The following CTNND2 variants were observed in gnomAD, a reference collection of about 807,000 sequenced individuals.
CTNND2 encodes catenin delta 2.
Under a neutral mutation model 144.4 loss-of-function variants are expected in CTNND2, and 22 were observed. The observed-to-expected ratio is 0.15, with a 90% CI of 0.11 to 0.22. CTNND2 has a LOEUF of 0.22. Among genes scored for constraint, CTNND2 ranks in the 10% least tolerant of loss-of-function variants. The probability of loss-of-function intolerance (pLI) is 1.00; values close to 1 mark genes in which losing one functional copy is unlikely to be tolerated. For missense variants in CTNND2, 1,353 were observed against 1,618.8 expected (o/e 0.84, Z 2.82); for synonymous variants, 751 against 695.6 (o/e 1.08, Z -1.25).
chr5:11,847,118 G>A (rs915855895), intron 1 of CTNND2, among the ~76,000 whole-genome samples: 10 of 119,134 alleles, frequency 8.4e-5, no homozygotes. Context: ...AAATCAGTAT[G>A]TCAAAGATTT....
intron 12 of CTNND2, among the ~76,000 whole-genome samples, chr5:11,123,487 C>T (rs1754350751): frequency 6.6e-6 from 1 of 152,196 alleles, no homozygotes; most frequent in African/African-American, 2.4e-5. Flanking sequence ...ATGCTCAGGA[C>T]TGCCCCCACC....
intron 9 of CTNND2, among the ~76,000 whole-genome samples, chr5:11,250,179 G>C (rs985778863): frequency 1.3e-5 from 2 of 152,126 alleles, no homozygotes; most frequent in Non-Finnish European, 2.9e-5. Context: ...AGTGGACCAT[G>C]GGTGAAAAGG....
chr5:11,460,207 C>T lies in CTNND2; in HGVS notation c.288-48138G>A, dbSNP rs74746409. Reference sequence around the variant, plus strand: ...GTGGCAATATGTGCCCACAACCCCACCAAAATCTTACATCTCACCCAGATC... The same window carrying T: ...GTGGCAATATGTGCCCACAACCCCATCAAAATCTTACATCTCACCCAGATC... On this transcript the variant is annotated intron_variant, in intron 3 of 21. Coordinates refer to ENST00000304623, the MANE Select transcript of CTNND2 (RefSeq NM_001332.4). Among the ~76,000 whole-genome samples the T allele has an allele frequency of 5.6e-3, 859 of 152,262 alleles. 14 individuals carry two copies. Among genetic ancestry groups the T allele is most frequent in the African/African-American group, 0.019 (805 of 41,546 alleles).
chr5:11,872,835 C>A (rs576222369), intron 1 of CTNND2, among the ~76,000 whole-genome samples: 2 of 152,098 alleles, frequency 1.3e-5, no homozygotes, highest in African/African-American at 4.8e-5. Context: ...CTTCCTTATA[C>A]CTTATACAAA....
At chr5:11,007,587 A>C (rs1171262182) in intron 18 of CTNND2, among the ~76,000 whole-genome samples, 2 of 152,272 alleles carry the variant, frequency 1.3e-5, no homozygotes, top group African/African-American at 4.8e-5. Context: ...CCAGCTACAA[A>C]ACGGAGTCTG....
In CTNND2 at chr5:11,577,023, G is replaced by A. The variant is rs78515494; in HGVS notation, c.175-11967C>T. Among the ~76,000 whole-genome samples, 460 of 152,260 alleles carry A rather than the reference G, an allele frequency of 3.0e-3. 14 individuals are homozygous for A. In the East Asian group the frequency reaches 0.055, roughly 18 times the overall value. ...AGTATATATATGAAATGCCGAGAGC[G>A]TGCCATCTTCTCACTGACAATGACC... On this transcript the variant is annotated intron_variant, in intron 2 of 21. Transcript: ENST00000304623.
chr5:11,074,353 A>G (rs1189951287), intron 16 of CTNND2, among the ~76,000 whole-genome samples: 1 of 152,236 alleles, frequency 6.6e-6, no homozygotes, highest in Non-Finnish European at 1.5e-5. Flanking sequence ...GTGGGGGTGC[A>G]ATATGATACT....
chr5:11,053,546 T>A (rs1354847848), intron 16 of CTNND2, among the ~76,000 whole-genome samples: 2 of 152,230 alleles, frequency 1.3e-5, no homozygotes, highest in African/African-American at 4.8e-5. Flanking sequence ...AGTGCAGCGC[T>A]AATGGGTATT....
intron 11 of CTNND2, among the ~76,000 whole-genome samples, chr5:11,178,267 A>C (rs958518907): frequency 6.6e-6 from 1 of 152,204 alleles, no homozygotes; most frequent in Admixed American, 6.5e-5. Flanking sequence ...TACTGACCTA[A>C]GCCTTTTTCT....
intron 9 of CTNND2, among the ~76,000 whole-genome samples, chr5:11,318,486 C>T (rs962945660): frequency 6.6e-6 from 1 of 152,170 alleles, no homozygotes; most frequent in African/African-American, 2.4e-5. Context: ...GGATGGGCAC[C>T]CCAATCCTAA....
chr5:11,845,933 C>T (rs1367821137), intron 1 of CTNND2, among the ~76,000 whole-genome samples: 2 of 152,024 alleles, frequency 1.3e-5, no homozygotes, highest in African/African-American at 4.8e-5. Flanking sequence ...TAAAATGTAA[C>T]CCCCGTGAGA....
intron 10 of CTNND2, among the ~76,000 whole-genome samples, chr5:11,206,206 G>A (rs957182189): frequency 2.0e-5 from 3 of 152,128 alleles, no homozygotes; most frequent in African/African-American, 4.8e-5. Flanking sequence ...TAGGATGTAC[G>A]GTATATATCG....
chr5:11,062,910 A>G (rs1167032492), intron 16 of CTNND2, among the ~76,000 whole-genome samples: 1 of 152,220 alleles, frequency 6.6e-6, no homozygotes, highest in African/African-American at 2.4e-5. Context: ...GATGAAGCCA[A>G]GGGTATTGCT....
chr5:11,541,989 C>T (rs1428666643), intron 3 of CTNND2, among the ~76,000 whole-genome samples: 1 of 151,842 alleles, frequency 6.6e-6, no homozygotes, highest in Non-Finnish European at 1.5e-5. Flanking sequence ...TTGTGTCCTC[C>T]CCAATTAAAA....
At chr5:11,075,568 G>T (rs940525693) in intron 16 of CTNND2, among the ~76,000 whole-genome samples, 1 of 152,234 alleles carries the variant, frequency 6.6e-6, no homozygotes, top group African/African-American at 2.4e-5. Flanking sequence ...TCAGGAGGGT[G>T]CAGGGAGCTA....
At chr5:11,499,063 A>T (rs1770275434) in intron 3 of CTNND2, among the ~76,000 whole-genome samples, 1 of 152,190 alleles carries the variant, frequency 6.6e-6, no homozygotes. Flanking sequence ...TCTTGTTCTT[A>T]GATACATAGG....
chr5:11,482,711 T>C (rs1768399965), intron 3 of CTNND2, among the ~76,000 whole-genome samples: 1 of 151,900 alleles, frequency 6.6e-6, no homozygotes. Flanking sequence ...AAGCAGACAT[T>C]TGAACAAAGA....
At chr5:11,727,451 C>T (rs1011731685) in intron 2 of CTNND2, among the ~76,000 whole-genome samples, 2 of 152,164 alleles carry the variant, frequency 1.3e-5, no homozygotes, top group African/African-American at 2.4e-5. Flanking sequence ...CAATTCACAG[C>T]TTCAAACAGA....
intron 9 of CTNND2, among the ~76,000 whole-genome samples, chr5:11,281,891 G>C (rs1275226854): frequency 6.6e-6 from 1 of 152,130 alleles, no homozygotes; most frequent in East Asian, 1.9e-4. Flanking sequence ...GGGGGTTAAG[G>C]CTTTAACATA....
Sources: gnomAD v4.1 joint callset for allele counts (sites outside exome capture counted in the v4.1 genomes callset) on GRCh38, gnomAD v4.1.1 for gene constraint, MANE v1.5 for transcripts, NCBI Gene and HGNC (gene_info 2026-07-23, HGNC 2026-07-21) for gene names.